Variants in FAM174A observed in about 807,000 individuals in gnomAD.
FAM174A encodes the protein family with sequence similarity 174 member A, also known as membrane protein FAM174A.
In FAM174A, 14 loss-of-function variants were observed where a neutral mutation model predicts 14.3. The ratio of observed to expected loss-of-function variants is 0.98; its 90% CI spans 0.65 to 1.53. The LOEUF is 1.53. Ranked by LOEUF, FAM174A falls within the 40% of genes most tolerant of loss-of-function variation. FAM174A has a pLI of 0.00. For synonymous variants in FAM174A, 108 were observed against 111.4 expected, an observed-to-expected ratio of 0.97 and a Z score of 0.19; for missense variants, 241 against 249.6, an observed-to-expected ratio of 0.97 and a Z score of 0.23.
chr5:100,585,029 T>G (rs1020293324), intron 2 of FAM174A, among the ~76,000 whole-genome samples: 5 of 152,208 alleles, frequency 3.3e-5, no homozygotes, highest in African/African-American at 4.8e-5. Context: ...TCATGAGAGA[T>G]CACTTTTACT....
chr5:100,547,716 A>G (rs986850169), intron 1 of FAM174A, among the ~76,000 whole-genome samples: 1 of 152,112 alleles, frequency 6.6e-6, no homozygotes, highest in Admixed American at 6.6e-5. Context: ...CATCCAGATG[A>G]TATACAGTAG....
intron 1 of FAM174A, among the ~76,000 whole-genome samples, chr5:100,556,881 T>C (rs1043615071): frequency 5.3e-5 from 8 of 152,194 alleles, no homozygotes; most frequent in East Asian, 1.9e-4. Flanking sequence ...AATCATGTCA[T>C]CTGCAAACAG....
intron 2 of FAM174A, among the ~76,000 whole-genome samples, chr5:100,573,920 C>T (rs916331791): frequency 8.6e-5 from 13 of 151,916 alleles, no homozygotes; most frequent in Admixed American, 5.9e-4. Flanking sequence ...GAAATAACAC[C>T]GCATATCTAC....
chr5:100,573,444 G>T (rs1746836565), intron 2 of FAM174A, among the ~76,000 whole-genome samples: 1 of 151,930 alleles, frequency 6.6e-6, no homozygotes, highest in Admixed American at 6.6e-5. Flanking sequence ...GTGTAAGGAA[G>T]GGATCCAGTT....
chr5:100,556,550 G>A (rs1352723197), intron 1 of FAM174A, among the ~76,000 whole-genome samples: 6 of 152,166 alleles, frequency 3.9e-5, no homozygotes, highest in South Asian at 4.2e-4. Context: ...CCATTTTCAC[G>A]ATATTGATTC....
chr5:100,558,033 G>C (rs187353053), intron 1 of FAM174A, among the ~76,000 whole-genome samples: 1 of 152,056 alleles, frequency 6.6e-6, no homozygotes, highest in Admixed American at 6.6e-5. Context: ...TGATGTTAGC[G>C]TGTCAATTTT....
At chr5:100,574,440 G>A (rs1312114491) in intron 2 of FAM174A, among the ~76,000 whole-genome samples, 1 of 151,926 alleles carries the variant, frequency 6.6e-6, no homozygotes, top group East Asian at 1.9e-4. Context: ...CACCCGCCTC[G>A]ACCTTCCAAA....
intron 2 of FAM174A, among the ~76,000 whole-genome samples, chr5:100,580,207 T>C (rs2112404682): frequency 6.6e-6 from 1 of 152,296 alleles, no homozygotes; most frequent in East Asian, 1.9e-4. Context: ...TGACAGCTAC[T>C]GTAAGATGCC....
chr5:100,568,800 G>A lies in FAM174A; in HGVS notation c.569+6612G>A, dbSNP rs371280091. Among the ~76,000 whole-genome samples, 19 of 151,972 alleles carry A rather than the reference G, an allele frequency of 1.3e-4. No homozygotes were observed. In the East Asian group the frequency reaches 2.9e-3, roughly 23 times the overall value. On this transcript the variant is annotated intron_variant, in intron 2 of 2. Transcript: ENST00000312637. The stretch of plus-strand genomic sequence containing the variant: ...TCATGTCCAGTACTAAGGATATATA[G>A]TCAGATACTGTGTTCATAAATAATT...
intron 2 of FAM174A, among the ~76,000 whole-genome samples, chr5:100,581,926 G>A (rs1024981812): frequency 6.6e-6 from 1 of 152,094 alleles, no homozygotes; most frequent in Non-Finnish European, 1.5e-5. Context: ...GGTTAATTAC[G>A]AGTCTCAAAA....
chr5:100,548,801 C>A (rs1041807780), intron 1 of FAM174A, among the ~76,000 whole-genome samples: 1 of 152,080 alleles, frequency 6.6e-6, no homozygotes, highest in East Asian at 1.9e-4. Flanking sequence ...TAATCGCATG[C>A]TTTTACATCT....
At chr5:100,538,830 T>A (rs1745992232) in intron 1 of FAM174A, among the ~76,000 whole-genome samples, 1 of 150,738 alleles carries the variant, frequency 6.6e-6, no homozygotes. Context: ...TTCCTCTCAG[T>A]AGGACATTCT....
At chr5:100,565,038 T>C (rs1746612120) in intron 2 of FAM174A, among the ~76,000 whole-genome samples, 2 of 151,874 alleles carry the variant, frequency 1.3e-5, no homozygotes, top group Non-Finnish European at 1.5e-5. Flanking sequence ...AGTGTTATCC[T>C]GATACCAAAG....
intron 1 of FAM174A, among the ~76,000 whole-genome samples, chr5:100,550,937 T>C (rs189016341): frequency 3.1e-4 from 47 of 152,092 alleles, no homozygotes; most frequent in Non-Finnish European, 7.4e-5. Flanking sequence ...AAGATGAGGC[T>C]AAAAATGAAA....
intron 1 of FAM174A, among the ~76,000 whole-genome samples, chr5:100,560,110 G>A (rs1168043112): frequency 6.6e-6 from 1 of 151,938 alleles, no homozygotes; most frequent in Non-Finnish European, 1.5e-5. Context: ...TGATGGTGAC[G>A]TACAGATGGG....
intron 1 of FAM174A, among the ~76,000 whole-genome samples, chr5:100,550,785 G>C (rs992310495): frequency 6.6e-6 from 1 of 152,210 alleles, no homozygotes; most frequent in Admixed American, 6.5e-5. Context: ...TGAAAGATGA[G>C]CAGGCATTCA....
chr5:100,564,167 T>C (rs1746589404), intron 2 of FAM174A, among the ~76,000 whole-genome samples: 1 of 151,864 alleles, frequency 6.6e-6, no homozygotes, highest in South Asian at 2.1e-4. Flanking sequence ...CATGCTTGTA[T>C]AGTCTGCAGA....
chr5:100,562,699 G>A (rs1275853681), intron 2 of FAM174A, among the ~76,000 whole-genome samples: 1 of 151,584 alleles, frequency 6.6e-6, no homozygotes, highest in Non-Finnish European at 1.5e-5. Context: ...TTTAGTTTGG[G>A]TTCTAGTGTT....
chr5:100,535,550 G>C lies in FAM174A; in HGVS notation c.20G>C (p.Cys7Ser), dbSNP rs1266495922. The change falls in exon 1 of 3, where the codon TGC becomes TCC. Residue 7 changes from cysteine to serine, a missense_variant. Cys to Ser is a moderately radical substitution (Grantham distance 112). Coordinates refer to ENST00000312637, the MANE Select transcript of FAM174A (RefSeq NM_198507.3). MKASQC[C>S]CCLSHLLASV... Reference sequence around the variant, plus strand: ...GGAACGATGAAGGCCTCGCAGTGCTGCTGCTGTCTCAGCCACCTCTTGGCT... The same window carrying C: ...GGAACGATGAAGGCCTCGCAGTGCTCCTGCTGTCTCAGCCACCTCTTGGCT... 2 of 1,613,098 alleles carry C rather than the reference G, an allele frequency of 1.2e-6. No homozygotes were observed. The highest frequency in any genetic ancestry group is 4.5e-5 in the East Asian group (2 of 44,880).
Sources: allele counts gnomAD v4.1 joint callset (sites outside exome capture counted in the v4.1 genomes callset), GRCh38; gene constraint gnomAD v4.1.1; transcripts MANE v1.5; gene names NCBI Gene and HGNC (gene_info 2026-07-23, HGNC 2026-07-21).